Variants in LDLRAD3 observed in about 807,000 individuals in gnomAD.
LDLRAD3 encodes low-density lipoprotein receptor class A domain-containing protein 3.
In LDLRAD3, 20 loss-of-function variants were observed where a neutral mutation model predicts 29.4. That is an observed-to-expected ratio of 0.68 (90% CI 0.48 to 0.99). The LOEUF is 0.99. Among genes scored for constraint, LDLRAD3 ranks in the 50% least tolerant of loss-of-function variants. The pLI, the probability that LDLRAD3 is intolerant of heterozygous loss-of-function variation, is 0.00. For synonymous variants in LDLRAD3, 157 were observed against 192.7 expected, an observed-to-expected ratio of 0.81 and a Z score of 1.53; for missense variants, 420 against 454.3, an observed-to-expected ratio of 0.92 and a Z score of 0.69.
At chr11:36,080,181 T>C (rs1853088647) in intron 2 of LDLRAD3, among the ~76,000 whole-genome samples, 1 of 152,172 alleles carries the variant, frequency 6.6e-6, no homozygotes, top group Non-Finnish European at 1.5e-5. Flanking sequence ...GGGTCCTGCC[T>C]CTAAGACAGA....
intron 1 of LDLRAD3, among the ~76,000 whole-genome samples, chr11:35,965,663 A>G (rs970340149): frequency 5.9e-5 from 9 of 152,242 alleles, no homozygotes; most frequent in Admixed American, 2.6e-4. Context: ...GAGATGGGGG[A>G]ATAAGATTTA....
chr11:36,090,433 A>G (rs1853262816), intron 3 of LDLRAD3, among the ~76,000 whole-genome samples: 1 of 152,146 alleles, frequency 6.6e-6, no homozygotes, highest in Admixed American at 6.5e-5. Flanking sequence ...AGAGGAACCC[A>G]TGAGGCAGTA....
At chr11:36,017,682 C>T (rs1040971964) in intron 1 of LDLRAD3, among the ~76,000 whole-genome samples, 3 of 152,018 alleles carry the variant, frequency 2.0e-5, no homozygotes, top group Non-Finnish European at 4.4e-5. Context: ...TCGTGCACCC[C>T]CATGCCCCAT....
intron 4 of LDLRAD3, among the ~76,000 whole-genome samples, chr11:36,187,988 C>T (rs182879137): frequency 2.0e-5 from 3 of 152,118 alleles, no homozygotes; most frequent in Admixed American, 2.0e-4. Flanking sequence ...TACTAAGAAC[C>T]CTGAAAGTAC....
chr11:35,961,131 T>G (rs935319231), intron 1 of LDLRAD3, among the ~76,000 whole-genome samples: 3 of 152,194 alleles, frequency 2.0e-5, no homozygotes, highest in Non-Finnish European at 4.4e-5. Context: ...TCAGAATGTT[T>G]CCCAATTGTG....
At chr11:35,988,981 G>A (rs544493715) in intron 1 of LDLRAD3, 5 of 152,166 alleles carry the variant, frequency 3.3e-5, no homozygotes, top group South Asian at 2.1e-4. Flanking sequence ...TATTTCCTAC[G>A]TTTTCTTCTG....
At chr11:36,152,543 T>G (rs1309538557) in intron 4 of LDLRAD3, among the ~76,000 whole-genome samples, 3 of 152,110 alleles carry the variant, frequency 2.0e-5, no homozygotes, top group Non-Finnish European at 4.4e-5. Flanking sequence ...CCCTATTCAC[T>G]CCCACCAAAA....
chr11:36,052,539 T>C (rs1852543593), intron 2 of LDLRAD3, among the ~76,000 whole-genome samples: 1 of 152,172 alleles, frequency 6.6e-6, no homozygotes, highest in African/African-American at 2.4e-5. Flanking sequence ...TATTTTGGCA[T>C]GGGAGGCAGT....
At chr11:36,091,843 T>C (rs1286926522) in intron 3 of LDLRAD3, among the ~76,000 whole-genome samples, 1 of 152,220 alleles carries the variant, frequency 6.6e-6, no homozygotes, top group Non-Finnish European at 1.5e-5. Flanking sequence ...GGTCTGTTTA[T>C]GATCTGTTCA....
At chr11:35,967,984 T>C (rs1480899145) in intron 1 of LDLRAD3, 6 of 418,532 alleles carry the variant, frequency 1.4e-5, no homozygotes, top group Admixed American at 1.3e-4. Flanking sequence ...TAGTGCTTTA[T>C]TGCATAAACA....
intron 4 of LDLRAD3, among the ~76,000 whole-genome samples, chr11:36,210,885 G>A (rs1565307361): frequency 6.6e-6 from 1 of 152,220 alleles, no homozygotes; most frequent in Non-Finnish European, 1.5e-5. Context: ...AGCTAATGGA[G>A]GGATAGCGGG....
chr11:36,225,171 A>G (rs534904109), intron 4 of LDLRAD3, among the ~76,000 whole-genome samples: 1 of 152,270 alleles, frequency 6.6e-6, no homozygotes, highest in African/African-American at 2.4e-5. Context: ...CACTGCTGCT[A>G]TTTCATGGCT....
intron 4 of LDLRAD3, among the ~76,000 whole-genome samples, chr11:36,115,661 C>T (rs1258386075): frequency 2.0e-5 from 3 of 152,148 alleles, no homozygotes; most frequent in Non-Finnish European, 4.4e-5. Flanking sequence ...CAAAAGGACG[C>T]CCCAGTCCCT....
At chr11:36,201,195 A>G (rs1855122315) in intron 4 of LDLRAD3, among the ~76,000 whole-genome samples, 1 of 152,216 alleles carries the variant, frequency 6.6e-6, no homozygotes, top group Non-Finnish European at 1.5e-5. Context: ...CTGAAGGACA[A>G]CATGATAAAC....
At chr11:36,029,745 G>A (rs150379227) in intron 1 of LDLRAD3, among the ~76,000 whole-genome samples, 1 of 152,008 alleles carries the variant, frequency 6.6e-6, no homozygotes, top group Admixed American at 6.5e-5. Flanking sequence ...TTACTAACTC[G>A]CTTTGTAAGA....
intron 4 of LDLRAD3, among the ~76,000 whole-genome samples, chr11:36,191,572 CTCTCTA>C (rs1323384682): frequency 3.0e-4 from 22 of 74,432 alleles, no homozygotes; most frequent in Admixed American, 7.9e-4. Context: ...CTCTCTCTCT[CTCTCTA>C]TATATATATA....
At chr11:36,150,057 T>C (rs1402717531) in intron 4 of LDLRAD3, among the ~76,000 whole-genome samples, 1 of 152,126 alleles carries the variant, frequency 6.6e-6, no homozygotes, top group Non-Finnish European at 1.5e-5. Flanking sequence ...AAAACAGCTT[T>C]CTTGAACTAT....
chr11:36,140,495 C>G (rs900204965), intron 4 of LDLRAD3, among the ~76,000 whole-genome samples: 1 of 152,126 alleles, frequency 6.6e-6, no homozygotes, highest in Non-Finnish European at 1.5e-5. Flanking sequence ...GTGGCACTAT[C>G]ACGGTTCACT....
chr11:36,191,764 G>A (rs954992220), intron 4 of LDLRAD3, among the ~76,000 whole-genome samples: 2 of 151,768 alleles, frequency 1.3e-5, no homozygotes, highest in Admixed American at 1.3e-4. Context: ...TGGGGAGGGG[G>A]AAACTTTTGT....
Sources: gnomAD v4.1 joint callset for allele counts (sites outside exome capture counted in the v4.1 genomes callset) on GRCh38, gnomAD v4.1.1 for gene constraint, MANE v1.5 for transcripts, NCBI Gene and HGNC (gene_info 2026-07-23, HGNC 2026-07-21) for gene names.